The following IDI2 variants were observed in gnomAD, a reference collection of about 807,000 sequenced individuals.
IDI2 encodes the protein isopentenyl-diphosphate delta-isomerase 2.
Under a neutral mutation model 14.8 loss-of-function variants are expected in IDI2, and 18 were observed. The observed-to-expected ratio is 1.22, with a 90% CI of 0.84 to 1.80. The LOEUF is 1.80. Among genes scored for constraint, IDI2 ranks in the 40% most tolerant of loss-of-function variants. The pLI, the probability that IDI2 is intolerant of heterozygous loss-of-function variation, is 0.00. For missense variants in IDI2, 316 were observed against 283.2 expected, an observed-to-expected ratio of 1.12 and a Z score of -0.83; for synonymous variants, 133 against 109.6, an observed-to-expected ratio of 1.21 and a Z score of -1.33.
In IDI2 at chr10:1,019,315, G is replaced by C; in HGVS notation, c.*202C>G. On this transcript the variant is annotated 3_prime_UTR_variant, in exon 5 of 5. Coordinates refer to ENST00000277517, the MANE Select transcript of IDI2 (RefSeq NM_033261.3). The stretch of plus-strand genomic sequence containing the variant: ...TGTTAAATTTCCTCCCTGCAACCAG[G>C]CAGATGAGAAATATGGAAATAAGGA... 1 of 538,250 alleles carries C rather than the reference G, an allele frequency of 1.9e-6. No individual in the cohort carries two copies. The highest frequency in any genetic ancestry group is 3.3e-6 in the Non-Finnish European group (1 of 305,236). The allele number at this position is 538,250 out of a possible 1,614,324, so 33.3% of individuals were successfully genotyped here. A position where few individuals can be genotyped will look rare whatever the true frequency, so the allele number is the denominator to read the frequency against.
intron 2 of IDI2, among the ~76,000 whole-genome samples, chr10:1,023,648 C>G (rs980885511): frequency 1.2e-4 from 18 of 152,098 alleles, no homozygotes; most frequent in African/African-American, 4.3e-4. Flanking sequence ...AAACACAATG[C>G]TAGACACCAG....
intron 3 of IDI2, among the ~76,000 whole-genome samples, chr10:1,022,141 C>T (rs1028022152): frequency 6.6e-6 from 1 of 152,102 alleles, no homozygotes; most frequent in African/African-American, 2.4e-5. Context: ...CGCCTGTAGT[C>T]CCAGCTACTT....
intron 2 of IDI2, among the ~76,000 whole-genome samples, chr10:1,023,016 C>T (rs1214956051): frequency 6.6e-6 from 1 of 152,102 alleles, no homozygotes; most frequent in Non-Finnish European, 1.5e-5. Flanking sequence ...GGGCAAATAT[C>T]CAAAATAAAA....
At position 1,021,997 on chromosome 10, in the gene IDI2, C is replaced by T. The variant is rs537365009; in HGVS notation, c.235+686G>A. 3.9e-5 allele frequency among the ~76,000 whole-genome samples: 6 copies of T among 152,316 alleles called. No individual in the cohort carries two copies. In the East Asian group the frequency reaches 7.7e-4, roughly 20 times the overall value. On this transcript the variant is annotated intron_variant, in intron 3 of 4. Coordinates refer to ENST00000277517, the MANE Select transcript of IDI2 (RefSeq NM_033261.3). ...TTTTTTGGCCGGGCCCGGTGGCTCACGCCTATAATCCCAGCACTTTGGAAG... is the reference window on the plus strand; with the variant it reads ...TTTTTTGGCCGGGCCCGGTGGCTCATGCCTATAATCCCAGCACTTTGGAAG...
rs148678096 is a variant in IDI2, at chr10:1,020,803, C to A, written c.330G>T (p.Arg110Ser). The change falls in exon 4 of 5, where the codon AGG becomes AGT. Residue 110 changes from arginine (R) to serine (S), a missense_variant. By Grantham distance (110) the Arg-to-Ser change is moderately radical (BLOSUM62 -1). Coordinates refer to ENST00000277517, the MANE Select transcript of IDI2 (RefSeq NM_033261.3). ...DAIGVRRAAQRRLQAELGIPG... is the reference protein window; with the variant it reads ...DAIGVRRAAQSRLQAELGIPG... ...GAATTCCCAGCTCTGCTTGCAGACG[C>A]CTCTGGGCTGCCCTCCTCACTCCGA... 2.2e-5 allele frequency: 36 copies of A among 1,613,866 alleles called. No individual in the cohort carries two copies. Among genetic ancestry groups the A allele is most frequent in the Middle Eastern group, 3.3e-4 (2 of 5,982 alleles).
Position 1,019,614 on chromosome 10 carries a change from CA to C in IDI2, c.586del (p.Trp196GlyfsTer2). On this transcript the variant is annotated frameshift_variant, in exon 5 of 5. Transcript: ENST00000277517. LOFTEE classifies it low-confidence loss of function (END_TRUNC). ...AAACCTCTCGGCAATGGTTCTTAGCCAGGGGGTGACTTTGACTTCACCCCTC... is the reference window on the plus strand; with the variant it reads ...AAACCTCTCGGCAATGGTTCTTAGCCGGGGGTGACTTTGACTTCACCCCTC... Reference protein sequence around the residue: ...EARGEVKVTPWLRTIAERFLY... With the variant: ...EARGEVKVTPXLRTIAERFLY... 6.2e-7 allele frequency: 1 copy of C among 1,614,040 alleles called. No individual in the cohort carries two copies.
chr10:1,024,265 G>A (rs1832170898), intron 2 of IDI2, among the ~76,000 whole-genome samples: 1 of 152,200 alleles, frequency 6.6e-6, no homozygotes, highest in Non-Finnish European at 1.5e-5. Context: ...GGAGGGACGG[G>A]GTTGAGGAAT....
At position 1,022,713 on chromosome 10, in the gene IDI2, G is replaced by C. The variant is rs145615127; in HGVS notation, c.205C>G (p.Gln69Glu). ...FNTKNRILIQ[Q>E]RSDTKVTFPG... ...AACGTGACTTTCGTGTCCGACCTCT[G>C]CTGTATCAGGATTCGATTCTTGGTG... The change falls in exon 3 of 5, where the codon CAG becomes GAG. Residue 69 changes from glutamine to glutamate, a missense_variant. Coordinates refer to ENST00000277517, the MANE Select transcript of IDI2 (RefSeq NM_033261.3). 8.7e-6 allele frequency: 14 copies of C among 1,613,892 alleles called. No individual in the cohort carries two copies. In the African/African-American group the frequency reaches 1.7e-4, roughly 20 times the overall value.
chr10:1,025,053 A>ACAC (rs1564476318), intron 1 of IDI2, among the ~76,000 whole-genome samples: 2 of 80,376 alleles, frequency 2.5e-5, no homozygotes. Flanking sequence ...CACACACACA[A>ACAC]AACACACCGA....
chr10:1,023,874 A>T (rs1462396322), intron 2 of IDI2, among the ~76,000 whole-genome samples: 2 of 152,238 alleles, frequency 1.3e-5, no homozygotes, highest in South Asian at 2.1e-4. Context: ...GGATATCCCA[A>T]AATGCCCTAT....
chr10:1,020,981 A>G, intron 3 of IDI2, 84 bp from the exon 4 acceptor site: 2 of 1,443,170 alleles, frequency 1.4e-6, no homozygotes, highest in Non-Finnish European at 9.5e-7. Flanking sequence ...TTCATGTAAA[A>G]CCATCATCCG....
At chr10:1,025,369 C>G (rs766044854) in intron 1 of IDI2, among the ~76,000 whole-genome samples, 6 of 151,882 alleles carry the variant, frequency 4.0e-5, no homozygotes, top group Non-Finnish European at 7.4e-5. Context: ...GTGGAACCCT[C>G]TCTCTACTAA....
chr10:1,023,008 G>T (rs1832139447), intron 2 of IDI2, among the ~76,000 whole-genome samples: 1 of 152,098 alleles, frequency 6.6e-6, no homozygotes, highest in Admixed American at 6.5e-5. Flanking sequence ...CACTACCAGG[G>T]CAAATATCCA....
intron 2 of IDI2, among the ~76,000 whole-genome samples, chr10:1,023,548 T>C (rs1832155270): frequency 6.6e-6 from 1 of 151,712 alleles, no homozygotes; most frequent in Non-Finnish European, 1.5e-5. Context: ...GGCCATTGTG[T>C]TAAGTGGAAC....
intron 1 of IDI2, 146 bp from the exon 2 acceptor site, chr10:1,024,890 T>C (rs1210705549): frequency 9.4e-6 from 7 of 741,724 alleles, no homozygotes; most frequent in Admixed American, 8.2e-5. Flanking sequence ...TTCTGAGATA[T>C]GGAAGGTGAA....
At chr10:1,022,442 A>G (rs1396082475) in intron 3 of IDI2, among the ~76,000 whole-genome samples, 2 of 152,192 alleles carry the variant, frequency 1.3e-5, no homozygotes, top group Admixed American at 6.5e-5. Flanking sequence ...TTGCAAAGAA[A>G]CAACAAAACA....
At position 1,024,675 on chromosome 10, in the gene IDI2, A is replaced by G. The variant is rs752017199; in HGVS notation, c.49T>C (p.Leu17=). The G allele has an allele frequency of 5.0e-6, 8 of 1,614,158 alleles. No individual in the cohort carries two copies. In the South Asian group the frequency reaches 6.6e-5, roughly 13 times the overall value. ...DWVDRRQLQR[L]EEMLIVVDEN... Reference sequence around the variant, plus strand: ...TCCACAACAATCAGCATTTCCTCCAAGCGCTGCAACTGACGCCTGTCAACC... The same window carrying G: ...TCCACAACAATCAGCATTTCCTCCAGGCGCTGCAACTGACGCCTGTCAACC... Residue 17 remains leucine (L), a synonymous_variant, in exon 2 of 5, where the codon TTG becomes CTG. Transcript: ENST00000277517.
intron 2 of IDI2, among the ~76,000 whole-genome samples, chr10:1,023,745 G>A (rs1264584117): frequency 6.6e-6 from 1 of 152,130 alleles, no homozygotes; most frequent in African/African-American, 2.4e-5. Flanking sequence ...AATATCAGCT[G>A]TTCAATAGCA....
intron 3 of IDI2, 128 bp from the exon 4 acceptor site, chr10:1,021,025 G>T: frequency 9.9e-7 from 1 of 1,008,358 alleles, no homozygotes; most frequent in Non-Finnish European, 1.4e-6. Context: ...GGGGGGAGTG[G>T]GTTTGTCATG....
Sources: gnomAD v4.1 joint callset for allele counts (sites outside exome capture counted in the v4.1 genomes callset) on GRCh38, gnomAD v4.1.1 for gene constraint, MANE v1.5 for transcripts, NCBI Gene and HGNC (gene_info 2026-07-23, HGNC 2026-07-21) for gene names.